DYM: variants seen among roughly 807,000 people sequenced by gnomAD.
DYM encodes the protein dymeclin.
A neutral mutation model predicts 93.1 loss-of-function variants in DYM; 78 were observed. That is an observed-to-expected ratio of 0.84 (90% confidence interval 0.70 to 1.01). DYM has a LOEUF of 1.01. Ranked by LOEUF, DYM falls within the 50% of genes least tolerant of loss-of-function variation. The probability of loss-of-function intolerance (pLI) is 0.00; values close to 1 mark genes in which losing one functional copy is unlikely to be tolerated. For missense variants in DYM, 789 were observed against 845.0 expected, an observed-to-expected ratio of 0.93 and a Z score of 0.82; for synonymous variants, 321 against 319.7, an observed-to-expected ratio of 1.00 and a Z score of -0.04.
chr18:49,383,286 ATTTT>A, intron 3 of DYM, among the ~76,000 whole-genome samples: 1 of 151,658 alleles, frequency 6.6e-6, no homozygotes, highest in South Asian at 2.1e-4. Flanking sequence ...AGATAGTGGT[ATTTT>A]TTTTTAAGAA....
At chr18:49,147,911 C>G (rs898553233) in intron 15 of DYM, among the ~76,000 whole-genome samples, 3 of 152,158 alleles carry the variant, frequency 2.0e-5, no homozygotes, top group Admixed American at 6.5e-5. Flanking sequence ...TATTGCGGCA[C>G]TATTCACGAT....
chr18:49,415,730 C>G (rs1379605790), intron 2 of DYM, among the ~76,000 whole-genome samples: 1 of 151,950 alleles, frequency 6.6e-6, no homozygotes, highest in Non-Finnish European at 1.5e-5. Context: ...GAGTTCGAGA[C>G]CAGCCTGACC....
chr18:49,338,700 C>A (rs1242317093), intron 6 of DYM, among the ~76,000 whole-genome samples: 2 of 152,112 alleles, frequency 1.3e-5, no homozygotes, highest in African/African-American at 4.8e-5. Context: ...TGGGAAACAC[C>A]TCTTTTATTT....
Position 49,043,121 on chromosome 18 carries a change from TTC to T in DYM, c.*932_*933del, listed in dbSNP as rs2071053269. The T allele has an allele frequency of 1.3e-5, 2 of 152,122 alleles. No homozygotes were observed. Among genetic ancestry groups the T allele is most frequent in the African/African-American group, 4.8e-5 (2 of 41,412 alleles). 9.4% of individuals were successfully genotyped at this position (152,122 alleles called of 1,614,324 possible). On this transcript the variant is annotated 3_prime_UTR_variant, in exon 18 of 18. Coordinates refer to ENST00000675505, the MANE Select transcript of DYM (RefSeq NM_001353214.3). ...TTCATGAGAAGTAGCCATTTTCTTT[TTC>T]TTTTCTTTCTTTTTTTTTTTTTGCG...
intron 13 of DYM, among the ~76,000 whole-genome samples, chr18:49,256,749 T>A (rs527712331): frequency 5.9e-5 from 9 of 152,304 alleles, no homozygotes; most frequent in African/African-American, 2.2e-4. Context: ...GAAATATACC[T>A]GCTCCTCTAA....
chr18:49,113,026 T>C (rs554112190), intron 16 of DYM, among the ~76,000 whole-genome samples: 23 of 152,170 alleles, frequency 1.5e-4, no homozygotes, highest in African/African-American at 4.8e-4. Flanking sequence ...TGGGTAGATA[T>C]TGATGTCATA....
At chr18:49,153,149 T>G (rs1327351951) in intron 15 of DYM, among the ~76,000 whole-genome samples, 1 of 152,228 alleles carries the variant, frequency 6.6e-6, no homozygotes, top group African/African-American at 2.4e-5. Context: ...GTGATGGTGA[T>G]GGATGTGTTA....
chr18:49,080,805 G>C (rs1243347611), intron 17 of DYM, among the ~76,000 whole-genome samples: 1 of 147,568 alleles, frequency 6.8e-6, no homozygotes, highest in African/African-American at 2.5e-5. Context: ...CCGGGCGGAG[G>C]GTCTCCTCAC....
intron 3 of DYM, among the ~76,000 whole-genome samples, chr18:49,387,734 T>C (rs2068777803): frequency 6.6e-6 from 1 of 152,158 alleles, no homozygotes; most frequent in Non-Finnish European, 1.5e-5. Context: ...AATGTAAACA[T>C]AACATTTATA....
chr18:49,155,936 T>G (rs2086361159), intron 15 of DYM, among the ~76,000 whole-genome samples: 1 of 152,232 alleles, frequency 6.6e-6, no homozygotes, highest in Non-Finnish European at 1.5e-5. Context: ...GAAATGAAAT[T>G]TCTCTATCAT....
chr18:49,070,085 T>C (rs2076771349), intron 17 of DYM, among the ~76,000 whole-genome samples: 1 of 151,842 alleles, frequency 6.6e-6, no homozygotes, highest in Non-Finnish European at 1.5e-5. Flanking sequence ...AAGCAAAGAG[T>C]ATGGCTGTGA....
intron 9 of DYM, 62 bp downstream of exon 9, chr18:49,286,372 C>G: frequency 6.4e-7 from 1 of 1,563,902 alleles, no homozygotes; most frequent in Non-Finnish European, 8.8e-7. Flanking sequence ...AGACAATAAA[C>G]AATATAGAAC....
chr18:49,374,628 T>C (rs1007179248), intron 5 of DYM, among the ~76,000 whole-genome samples: 1 of 152,230 alleles, frequency 6.6e-6, no homozygotes, highest in African/African-American at 2.4e-5. Context: ...CAGCTCCCTT[T>C]TCCAAGGTAG....
rs762710917 is a variant in DYM, at chr18:49,345,887, T to C, written c.495-12034A>G. ...GGCAATACAACCTGAGCAAAGGATA[T>C]GAGCAAAAACAAATTAACAATGTCC... On this transcript the variant is annotated intron_variant, in intron 6 of 17. Coordinates refer to ENST00000675505, the MANE Select transcript of DYM (RefSeq NM_001353214.3). Among the ~76,000 whole-genome samples the C allele has an allele frequency of 1.5e-4, 23 of 152,272 alleles. No individual in the cohort carries two copies. The South Asian group carries it at 2.3e-3, about 15-fold the overall frequency.
At chr18:49,132,651 A>G (rs936720214) in intron 15 of DYM, among the ~76,000 whole-genome samples, 4 of 152,304 alleles carry the variant, frequency 2.6e-5, no homozygotes, top group Middle Eastern at 3.4e-3. Flanking sequence ...TGGTAAAGTT[A>G]GTTGAAAAAT....
rs34811276 is a variant in DYM at position 49,160,576 on chromosome 18, C to CAAAAA, written c.1728+3104_1728+3108dup. The stretch of plus-strand genomic sequence containing the variant: ...AAGTACACGTCGTGAGACTCTGTCT[C>CAAAAA]AAAAAAAAAAAAAAAAAGTACACAT... On this transcript the variant is annotated intron_variant, in intron 15 of 17. Coordinates refer to ENST00000675505, the MANE Select transcript of DYM (RefSeq NM_001353214.3). Among the ~76,000 whole-genome samples, 180 of 135,576 alleles carry CAAAAA rather than the reference C, an allele frequency of 1.3e-3. 2 individuals are homozygous for CAAAAA. The highest frequency in any genetic ancestry group is 4.5e-3 in the African/African-American group (167 of 36,746). The allele number at this position is 135,576 out of a possible 152,430, so 88.9% of individuals were successfully genotyped here. A position where few individuals can be genotyped will look rare whatever the true frequency, so the allele number is the denominator to read the frequency against.
Position 49,258,482 on chromosome 18 carries a change from A to G in DYM, c.1263T>C (p.Asn421=), listed in dbSNP as rs745343042. ...AAACTCGTTCTGAATACCAAGTAAT[A>G]TTTTTTAGTATCTGTAATGGGGAAG... ...NRSIHEVILK[N]ITWYSERVLT... The change falls in exon 12 of 18, where the codon AAT becomes AAC. Residue 421 remains asparagine (N), a synonymous_variant. Transcript: ENST00000675505. 1 of 1,596,590 alleles carries G rather than the reference A, an allele frequency of 6.3e-7. No individual in the cohort carries two copies. Among genetic ancestry groups the G allele is most frequent in the Non-Finnish European group, 8.6e-7 (1 of 1,164,200 alleles).
chr18:49,274,043 A>C (rs1033534180), intron 10 of DYM, among the ~76,000 whole-genome samples: 19 of 152,130 alleles, frequency 1.2e-4, no homozygotes, highest in Non-Finnish European at 2.6e-4. Flanking sequence ...ATCCATTCAA[A>C]GTGCACAATT....
chr18:49,337,417 T>C (rs2063755871), intron 6 of DYM, among the ~76,000 whole-genome samples: 1 of 152,192 alleles, frequency 6.6e-6, no homozygotes, highest in South Asian at 2.1e-4. Flanking sequence ...GATCCACGTT[T>C]GGCCAATAAA....
Sources: allele counts gnomAD v4.1 joint callset (sites outside exome capture counted in the v4.1 genomes callset), GRCh38; gene constraint gnomAD v4.1.1; transcripts MANE v1.5; gene names NCBI Gene and HGNC (gene_info 2026-07-23, HGNC 2026-07-21).